EXOC2: variants seen among roughly 807,000 people sequenced by gnomAD.
EXOC2 encodes the protein SEC5-like 1.
A neutral mutation model predicts 131.8 loss-of-function variants in EXOC2; 70 were observed. The observed-to-expected ratio is 0.53, with a 90% CI of 0.44 to 0.65. The LOEUF (loss-of-function observed/expected upper bound fraction) is 0.65. EXOC2 is among the 30% of genes least tolerant of loss of function. EXOC2 has a pLI of 0.00. For synonymous variants in EXOC2, 411 were observed against 398.4 expected, an observed-to-expected ratio of 1.03 and a Z score of -0.38; for missense variants, 923 against 1,108.6, an observed-to-expected ratio of 0.83 and a Z score of 2.38.
intron 22 of EXOC2, among the ~76,000 whole-genome samples, chr6:537,328 C>T (rs1310101244): frequency 2.7e-5 from 4 of 150,232 alleles, no homozygotes; most frequent in African/African-American, 7.4e-5. Flanking sequence ...TGACGGCCGA[C>T]GGAGCGTACA....
intron 1 of EXOC2, among the ~76,000 whole-genome samples, chr6:651,203 T>C (rs1762814714): frequency 6.6e-6 from 1 of 152,016 alleles, no homozygotes; most frequent in African/African-American, 2.4e-5. Context: ...GCTAATTTTT[T>C]TTTGTATTTT....
At chr6:635,392 T>C (rs2127712315) in intron 2 of EXOC2, among the ~76,000 whole-genome samples, 1 of 152,358 alleles carries the variant, frequency 6.6e-6, no homozygotes, top group East Asian at 1.9e-4. Flanking sequence ...ATTCCTCTGA[T>C]TTAATATCTG....
At chr6:552,341 A>T (rs73376436) in intron 21 of EXOC2, among the ~76,000 whole-genome samples, 10,186 of 152,072 alleles carry the variant, frequency 0.067, 759 homozygotes, top group East Asian at 0.41. Flanking sequence ...CCTGCATTTC[A>T]TGCTTCTTGC....
At chr6:504,828 G>C (rs1764436418) in intron 23 of EXOC2, among the ~76,000 whole-genome samples, 1 of 152,182 alleles carries the variant, frequency 6.6e-6, no homozygotes, top group Non-Finnish European at 1.5e-5. Flanking sequence ...ATAAGAAAGT[G>C]GGCAAAACAG....
chr6:553,946 G>C (rs1757283138), intron 20 of EXOC2, 26 bp from the exon 21 acceptor site: 1 of 1,591,188 alleles, frequency 6.3e-7, no homozygotes, highest in Non-Finnish European at 8.6e-7. Context: ...AGTAGGAACA[G>C]TTACAAATAA....
At chr6:555,104 T>C (rs1015654672) in intron 20 of EXOC2, 123 bp downstream of exon 20, 28 of 473,574 alleles carry the variant, frequency 5.9e-5, no homozygotes, top group African/African-American at 8.0e-5. Flanking sequence ...AAACTATTAC[T>C]TCGATATGAA....
chr6:576,184 T>C (rs1307542003), intron 12 of EXOC2, among the ~76,000 whole-genome samples: 1 of 152,184 alleles, frequency 6.6e-6, no homozygotes, highest in Admixed American at 6.5e-5. Flanking sequence ...GGCTCCTGAC[T>C]AGTGGCATCT....
intron 22 of EXOC2, among the ~76,000 whole-genome samples, chr6:544,350 T>C (rs1013984696): frequency 1.3e-5 from 2 of 152,184 alleles, no homozygotes; most frequent in African/African-American, 4.8e-5. Flanking sequence ...TCTCTAAGTA[T>C]GTATGTTTAT....
At chr6:556,317 C>T (rs1053769119) in intron 18 of EXOC2, among the ~76,000 whole-genome samples, 167 bp downstream of exon 18, 1 of 152,166 alleles carries the variant, frequency 6.6e-6, no homozygotes, top group Non-Finnish European at 1.5e-5. Flanking sequence ...TAACTTGCAT[C>T]GGCCTGGCTT....
chr6:656,861 C>T (rs1290972211), intron 1 of EXOC2: 4 of 1,608,782 alleles, frequency 2.5e-6, no homozygotes, highest in Non-Finnish European at 3.4e-6. Context: ...GCACGCAGAC[C>T]TTCGCTAGCC....
chr6:641,956 T>G (rs1762373345), intron 1 of EXOC2, among the ~76,000 whole-genome samples: 1 of 152,168 alleles, frequency 6.6e-6, no homozygotes, highest in African/African-American at 2.4e-5. Flanking sequence ...TCCACTGTTT[T>G]GTGGTCTGCA....
chr6:494,508 A>G (rs1256393878), intron 25 of EXOC2, among the ~76,000 whole-genome samples: 2 of 151,214 alleles, frequency 1.3e-5, no homozygotes, highest in African/African-American at 4.9e-5. Flanking sequence ...GTGGCATTTG[A>G]TGAGTTTTGA....
chr6:654,075 A>C (rs1766846), intron 1 of EXOC2, among the ~76,000 whole-genome samples: 119,202 of 152,162 alleles, frequency 0.78, 49,153 homozygotes, highest in Non-Finnish European at 0.91. Context: ...CCTCAGAAAA[A>C]AAGATTTCTT....
At position 656,499 on chromosome 6, in the gene EXOC2, C is replaced by T. The variant is rs768367924; in HGVS notation, c.-43-18638G>A. Reference sequence around the variant, plus strand: ...GATGCTCGCGTCGGAGGCGCGCAGGCTGGGCGGCAGGCAGTCCCGCCACAC... The same window carrying T: ...GATGCTCGCGTCGGAGGCGCGCAGGTTGGGCGGCAGGCAGTCCCGCCACAC... On this transcript the variant is annotated intron_variant, in intron 1 of 27. Transcript: ENST00000230449. 2.5e-6 allele frequency: 4 copies of T among 1,606,748 alleles called. No individual in the cohort carries two copies. The African/African-American group carries it at 4.0e-5, about 16-fold the overall frequency.
intron 23 of EXOC2, among the ~76,000 whole-genome samples, chr6:526,722 G>A (rs570862139): frequency 7.1e-4 from 108 of 152,194 alleles, no homozygotes; most frequent in Non-Finnish European, 1.2e-3. Context: ...TTACAGGAGT[G>A]AGCCACCGCG....
At chr6:535,218 T>A (rs1273388144) in intron 22 of EXOC2, among the ~76,000 whole-genome samples, 1 of 152,120 alleles carries the variant, frequency 6.6e-6, no homozygotes, top group Non-Finnish European at 1.5e-5. Flanking sequence ...TAAAAATGAT[T>A]AGCCAGGCAT....
At chr6:511,707 G>A (rs1449702519) in intron 23 of EXOC2, among the ~76,000 whole-genome samples, 1 of 152,264 alleles carries the variant, frequency 6.6e-6, no homozygotes, top group Non-Finnish European at 1.5e-5. Flanking sequence ...GCACTCCAAG[G>A]ATGTCACCAA....
At chr6:640,673 C>A (rs567944685) in intron 1 of EXOC2, among the ~76,000 whole-genome samples, 1 of 152,122 alleles carries the variant, frequency 6.6e-6, no homozygotes, top group East Asian at 1.9e-4. Context: ...GAAGGACATA[C>A]GAAGACTCAT....
At chr6:670,234 G>A (rs1363139678) in intron 1 of EXOC2, 1 of 152,220 alleles carries the variant, frequency 6.6e-6, no homozygotes, top group African/African-American at 2.4e-5. Context: ...CAAACGTGAG[G>A]TTCAGTTCAG....
Sources: gnomAD v4.1 joint callset for allele counts (sites outside exome capture counted in the v4.1 genomes callset) on GRCh38, gnomAD v4.1.1 for gene constraint, MANE v1.5 for transcripts, NCBI Gene and HGNC (gene_info 2026-07-23, HGNC 2026-07-21) for gene names.